CRPPA: variants seen among roughly 807,000 people sequenced by gnomAD.
CRPPA encodes CDP-L-ribitol pyrophosphorylase A, also known as D-ribitol-5-phosphate cytidylyltransferase.
Under a neutral mutation model 52.0 loss-of-function variants are expected in CRPPA, and 43 were observed. The observed-to-expected ratio is 0.83, with a 90% CI of 0.65 to 1.07. The LOEUF is 1.07. Among genes scored for constraint, CRPPA ranks in the 50% least tolerant of loss-of-function variants. CRPPA has a pLI of 0.00. For missense variants in CRPPA, 629 were observed against 551.7 expected (o/e 1.14, Z -1.40); for synonymous variants, 250 against 203.5 (o/e 1.23, Z -1.94).
chr7:16,313,142 A>G (rs766314203), intron 3 of CRPPA, among the ~76,000 whole-genome samples: 3 of 152,004 alleles, frequency 2.0e-5, no homozygotes, highest in Non-Finnish European at 2.9e-5. Context: ...CTATAGAGTT[A>G]GTATAATTTC....
intron 3 of CRPPA, among the ~76,000 whole-genome samples, chr7:16,333,466 A>C (rs1291626921): frequency 6.6e-6 from 1 of 152,240 alleles, no homozygotes; most frequent in Non-Finnish European, 1.5e-5. Flanking sequence ...CCTCTAAATA[A>C]TACATGTGTA....
chr7:16,098,097 A>G (rs1781970221), intron 9 of CRPPA, among the ~76,000 whole-genome samples: 1 of 152,214 alleles, frequency 6.6e-6, no homozygotes, highest in South Asian at 2.1e-4. Context: ...TTTGAATTTA[A>G]AAAGTGTAAA....
chr7:16,253,651 G>T (rs1783524541), intron 8 of CRPPA, among the ~76,000 whole-genome samples: 1 of 151,260 alleles, frequency 6.6e-6, no homozygotes, highest in South Asian at 2.1e-4. Flanking sequence ...TTCAAGTTAG[G>T]CAATACCATT....
chr7:16,421,182 C>G lies in CRPPA; in HGVS notation c.141G>C (p.Val47=). The part of the protein sequence containing the change: ...GTEPGRHPQA[V]AAVLPAGGCG... ...ACCCCCCGGCAGGCAACACAGCTGC[C>G]ACGGCTTGCGGGTGGCGCCCGGGCT... is the stretch of plus-strand genomic sequence containing the variant. Residue 47 remains valine (V), a synonymous_variant, in exon 1 of 10, where the codon GTG becomes GTC. Coordinates refer to ENST00000407010, the MANE Select transcript of CRPPA (RefSeq NM_001101426.4). The G allele has an allele frequency of 7.5e-7, 1 of 1,341,876 alleles. No homozygotes were observed. 83.1% of individuals were successfully genotyped at this position (1,341,876 alleles called of 1,614,324 possible). A position where few individuals can be genotyped will look rare whatever the true frequency, so the allele number is the denominator to read the frequency against.
intron 2 of CRPPA, among the ~76,000 whole-genome samples, chr7:16,380,826 C>T (rs1319655275): frequency 2.6e-5 from 4 of 152,164 alleles, no homozygotes; most frequent in African/African-American, 9.7e-5. Flanking sequence ...TCTGTGGGAT[C>T]AGTGGTGATA....
chr7:16,216,249 T>C, intron 8 of CRPPA, 52 bp from the exon 9 acceptor site: 3 of 1,236,456 alleles, frequency 2.4e-6, no homozygotes, highest in Non-Finnish European at 3.4e-6. Flanking sequence ...CAACTTTCTC[T>C]GGAGGGAAAA....
chr7:16,150,427 C>T (rs776998077), intron 9 of CRPPA, among the ~76,000 whole-genome samples: 24 of 152,068 alleles, frequency 1.6e-4, no homozygotes, highest in Non-Finnish European at 3.2e-4. Flanking sequence ...GGGGATAAAT[C>T]ATCATTTTGA....
chr7:16,121,662 C>A (rs564164769), intron 9 of CRPPA, among the ~76,000 whole-genome samples: 1 of 152,108 alleles, frequency 6.6e-6, no homozygotes, highest in South Asian at 2.1e-4. Flanking sequence ...GTCAAAATGT[C>A]ATTTTCTCTT....
chr7:16,371,932 A>T (rs1422861735), intron 3 of CRPPA, among the ~76,000 whole-genome samples: 1 of 152,158 alleles, frequency 6.6e-6, no homozygotes, highest in Non-Finnish European at 1.5e-5. Context: ...GAAAGTTTCA[A>T]CAACAGACTA....
chr7:16,383,152 A>C (rs1016316280), intron 2 of CRPPA, among the ~76,000 whole-genome samples: 6 of 151,944 alleles, frequency 3.9e-5, no homozygotes, highest in African/African-American at 1.5e-4. Context: ...GATGATGGTG[A>C]TGTACAGATG....
At chr7:16,232,229 T>C (rs928727358) in intron 8 of CRPPA, among the ~76,000 whole-genome samples, 19 of 152,176 alleles carry the variant, frequency 1.2e-4, no homozygotes, top group African/African-American at 3.9e-4. Flanking sequence ...ATAATTAATA[T>C]GGTTTAAATT....
intron 3 of CRPPA, among the ~76,000 whole-genome samples, chr7:16,328,368 T>G (rs1051074885): frequency 6.6e-6 from 1 of 152,248 alleles, no homozygotes; most frequent in African/African-American, 2.4e-5. Flanking sequence ...CTACCAGTCT[T>G]GCTTTCAATT....
intron 9 of CRPPA, among the ~76,000 whole-genome samples, chr7:16,143,052 T>A (rs993093465): frequency 5.9e-5 from 9 of 152,214 alleles, no homozygotes; most frequent in African/African-American, 2.2e-4. Context: ...TATTTTATCG[T>A]CTTGTATTTG....
chr7:16,268,382 G>C (rs966666361), intron 6 of CRPPA, among the ~76,000 whole-genome samples: 5 of 151,448 alleles, frequency 3.3e-5, no homozygotes, highest in Admixed American at 2.6e-4. Context: ...AGAATATTCA[G>C]ACACCATCCC....
chr7:16,136,667 T>C (rs1321356662), intron 9 of CRPPA, among the ~76,000 whole-genome samples: 2 of 152,216 alleles, frequency 1.3e-5, no homozygotes, highest in Non-Finnish European at 2.9e-5. Flanking sequence ...TATTTCCAGC[T>C]GTCTCCATTA....
At chr7:16,237,241 G>C (rs946169387) in intron 8 of CRPPA, 2 of 152,048 alleles carry the variant, frequency 1.3e-5, no homozygotes, top group Non-Finnish European at 2.9e-5. Flanking sequence ...ATCTGCCTTT[G>C]TTTTGCCTGC....
chr7:16,338,864 G>GCTCT (rs1785751535), intron 3 of CRPPA, among the ~76,000 whole-genome samples: 1 of 146,412 alleles, frequency 6.8e-6, no homozygotes, highest in African/African-American at 2.5e-5. Context: ...CACCCAGGCT[G>GCTCT]GAGTGCAGTG....
intron 9 of CRPPA, among the ~76,000 whole-genome samples, chr7:16,103,591 TTCC>T (rs1782091954): frequency 6.6e-6 from 1 of 152,188 alleles, no homozygotes; most frequent in Non-Finnish European, 1.5e-5. Flanking sequence ...TCCATGATTC[TTCC>T]TCCTATGAAA....
chr7:16,288,568 G>T (rs1455285364), intron 5 of CRPPA, among the ~76,000 whole-genome samples: 1 of 151,896 alleles, frequency 6.6e-6, no homozygotes, highest in Non-Finnish European at 1.5e-5. Context: ...AATACAGGCT[G>T]GGCACAGTGG....
Sources: gnomAD v4.1 joint callset for allele counts (sites outside exome capture counted in the v4.1 genomes callset) on GRCh38, gnomAD v4.1.1 for gene constraint, MANE v1.5 for transcripts, NCBI Gene and HGNC (gene_info 2026-07-23, HGNC 2026-07-21) for gene names.